Variants in TIAM1 observed in about 807,000 individuals in gnomAD.
TIAM1 encodes TIAM Rac1 associated GEF 1, also known as rho guanine nucleotide exchange factor TIAM1.
TIAM1 carries 65 observed loss-of-function variants against 163.5 expected under a neutral mutation model. The observed-to-expected ratio is 0.40, with a 90% CI of 0.33 to 0.49. TIAM1 has a LOEUF of 0.49. TIAM1 is among the 20% of genes least tolerant of loss of function. The pLI is 0.77. For missense variants in TIAM1, 1,789 were observed against 2,044.7 expected (o/e 0.87, Z 2.41); for synonymous variants, 833 against 810.1 (o/e 1.03, Z -0.48).
chr21:31,355,109 T>C (rs543330045), intron 2 of TIAM1, among the ~76,000 whole-genome samples: 255 of 150,822 alleles, frequency 1.7e-3, no homozygotes, highest in African/African-American at 5.9e-3. Flanking sequence ...ATTAGTCAGG[T>C]CGGCTGGGTC....
chr21:31,368,466 AAATCCAAAATATCCC>A (rs1252547819), intron 2 of TIAM1, among the ~76,000 whole-genome samples: 1 of 152,218 alleles, frequency 6.6e-6, no homozygotes. Flanking sequence ...AGTTGACTTC[AAATCCAAAATATCCC>A]AATCCAAAAT....
chr21:31,510,080 C>G (rs1204280581), intron 1 of TIAM1, among the ~76,000 whole-genome samples: 1 of 152,184 alleles, frequency 6.6e-6, no homozygotes, highest in Non-Finnish European at 1.5e-5. Context: ...GAAGTCCTAA[C>G]CCGGGGTACC....
chr21:31,197,462 G>A (rs1162366951), intron 12 of TIAM1, among the ~76,000 whole-genome samples: 1 of 146,740 alleles, frequency 6.8e-6, no homozygotes, highest in East Asian at 2.0e-4. Flanking sequence ...TGCAAGTTCC[G>A]CCTCCCAGGT....
At chr21:31,258,746 C>T (rs529843705) in intron 4 of TIAM1, among the ~76,000 whole-genome samples, 7 of 150,574 alleles carry the variant, frequency 4.6e-5, no homozygotes, top group Non-Finnish European at 8.8e-5. Flanking sequence ...ACCCGGGAGG[C>T]GGAGGTTGCA....
intron 10 of TIAM1, among the ~76,000 whole-genome samples, chr21:31,211,052 C>A (rs555908212): frequency 1.4e-4 from 22 of 151,982 alleles, no homozygotes; most frequent in Non-Finnish European, 1.0e-4. Flanking sequence ...CACGACCCGG[C>A]GCCAGAGACA....
chr21:31,129,363 C>T (rs2082324435), intron 25 of TIAM1, among the ~76,000 whole-genome samples: 2 of 152,184 alleles, frequency 1.3e-5, no homozygotes, highest in South Asian at 4.1e-4. Flanking sequence ...CACTTCACTG[C>T]TATGTGGATC....
At chr21:31,150,638 A>G (rs2083329802) in intron 19 of TIAM1, among the ~76,000 whole-genome samples, 1 of 152,212 alleles carries the variant, frequency 6.6e-6, no homozygotes, top group Non-Finnish European at 1.5e-5. Flanking sequence ...AAAACTACAA[A>G]ACTTCTAAGA....
At chr21:31,352,940 C>G (rs1359211612) in intron 2 of TIAM1, among the ~76,000 whole-genome samples, 1 of 151,820 alleles carries the variant, frequency 6.6e-6, no homozygotes, top group African/African-American at 2.4e-5. Flanking sequence ...ATTAACCAAG[C>G]CTTCCAATAA....
rs550698488 is a variant in TIAM1, at chr21:31,386,299, C to T, written c.-368-46877G>A. Among the ~76,000 whole-genome samples, 345 of 152,224 alleles carry T rather than the reference C, an allele frequency of 2.3e-3. 5 individuals are homozygous for T. In the Middle Eastern group the frequency reaches 0.054, roughly 24 times the overall value. Reference sequence around the variant, plus strand: ...TCCTGGTCTCCCCTATCCTGCCCTGCCCCTGGCTTCTCAGGGAATGGAGAC... The same window carrying T: ...TCCTGGTCTCCCCTATCCTGCCCTGTCCCTGGCTTCTCAGGGAATGGAGAC... On this transcript the variant is annotated intron_variant, in intron 2 of 28. Coordinates refer to the TIAM1 transcript ENST00000286827.
intron 20 of TIAM1, among the ~76,000 whole-genome samples, chr21:31,146,403 CAAAAAAA>C (rs10542614): frequency 4.4e-5 from 4 of 89,910 alleles, no homozygotes; most frequent in South Asian, 4.4e-4. Flanking sequence ...GGCTCTGTGT[CAAAAAAA>C]AAAAAAAAAA....
chr21:31,539,030 G>A (rs1217273163), intron 1 of TIAM1, among the ~76,000 whole-genome samples: 2 of 152,120 alleles, frequency 1.3e-5, no homozygotes, highest in South Asian at 2.1e-4. Flanking sequence ...CAGCTGGTGC[G>A]AAAGGGAGGG....
At chr21:31,303,710 G>A (rs1385373261) in intron 2 of TIAM1, among the ~76,000 whole-genome samples, 1 of 152,150 alleles carries the variant, frequency 6.6e-6, no homozygotes, top group Non-Finnish European at 1.5e-5. Context: ...GGGCATGGTG[G>A]CTTACCCTTG....
intron 11 of TIAM1, among the ~76,000 whole-genome samples, chr21:31,207,498 A>T (rs1569025293): frequency 6.6e-6 from 1 of 151,508 alleles, no homozygotes; most frequent in Non-Finnish European, 1.5e-5. Context: ...TTCAATGAGG[A>T]AAAAAAAACC....
chr21:31,512,653 T>A (rs1157428385), intron 1 of TIAM1, among the ~76,000 whole-genome samples: 1 of 146,480 alleles, frequency 6.8e-6, no homozygotes, highest in Non-Finnish European at 1.5e-5. Context: ...GGTCTCACTC[T>A]GTCACCCAGA....
In TIAM1 at chr21:31,266,363, C is replaced by A; in HGVS notation, c.610G>T (p.Glu204Ter). Residue 204 changes from glutamate (E) to a stop codon, truncating the protein, a stop_gained, in exon 4 of 28, where the codon GAA (glutamate) becomes TAA (stop). Coordinates refer to ENST00000541036, the MANE Select transcript of TIAM1 (RefSeq NM_001353694.2). LOFTEE classifies it high-confidence loss of function. ...TSNEEILGSA[E>*]EKDCEEARGM... ...CGAGCCTCCTCGCAGTCCTTCTCTT[C>A]GGCGGAACCCAAGATTTCTTCGTTG... 6.2e-7 allele frequency: 1 copy of A among 1,614,240 alleles called. No homozygotes were observed. The highest frequency in any genetic ancestry group is 8.5e-7 in the Non-Finnish European group (1 of 1,180,052).
intron 23 of TIAM1, among the ~76,000 whole-genome samples, chr21:31,133,210 G>A (rs1174586458): frequency 6.6e-6 from 1 of 152,182 alleles, no homozygotes; most frequent in Admixed American, 6.5e-5. Context: ...TAACGGCTGG[G>A]AATCCACAGA....
chr21:31,416,611 T>C (rs1301493392), intron 2 of TIAM1, among the ~76,000 whole-genome samples: 2 of 152,220 alleles, frequency 1.3e-5, no homozygotes, highest in Admixed American at 6.5e-5. Context: ...CCTAGAATAA[T>C]GGCCTCCAGC....
intron 11 of TIAM1, among the ~76,000 whole-genome samples, chr21:31,204,733 G>A (rs1253033117): frequency 2.6e-5 from 4 of 152,206 alleles, no homozygotes; most frequent in Non-Finnish European, 5.9e-5. Flanking sequence ...CAGTGGTTTA[G>A]CATTTTAAAT....
intron 5 of TIAM1, among the ~76,000 whole-genome samples, chr21:31,248,352 C>T (rs185497652): frequency 6.6e-6 from 1 of 152,216 alleles, no homozygotes; most frequent in Admixed American, 6.5e-5. Context: ...TAGAATCATC[C>T]ACAACAAAGC....
Sources: allele counts gnomAD v4.1 joint callset (sites outside exome capture counted in the v4.1 genomes callset), GRCh38; gene constraint gnomAD v4.1.1; transcripts MANE v1.5; gene names NCBI Gene and HGNC (gene_info 2026-07-23, HGNC 2026-07-21).